PRPF4: variants seen among roughly 807,000 people sequenced by gnomAD.
PRPF4 encodes U4/U6 small nuclear ribonucleoprotein Prp4.
PRPF4 carries 14 observed loss-of-function variants against 72.2 expected under a neutral mutation model. The ratio of observed to expected loss-of-function variants is 0.19; its 90% confidence interval spans 0.13 to 0.30. The LOEUF (loss-of-function observed/expected upper bound fraction) is 0.30, where lower values mean the gene tolerates loss of function less well. Among genes scored for constraint, PRPF4 ranks in the 10% least tolerant of loss-of-function variants. The pLI is 1.00. For missense variants in PRPF4, 478 were observed against 653.9 expected (o/e 0.73, Z 2.93); for synonymous variants, 225 against 232.2 (o/e 0.97, Z 0.28).
rs1832336564 is a variant in PRPF4 at position 113,283,315 on chromosome 9, G to A, written c.561-74G>A. 18 of 1,611,816 alleles carry A rather than the reference G, an allele frequency of 1.1e-5. No homozygotes were observed. In the South Asian group the frequency reaches 2.0e-4, roughly 18 times the overall value. On this transcript the variant is annotated intron_variant, in intron 5 of 13. Transcript: ENST00000374198. ...ACTATGGTTGTTAAATGAAATTGAG[G>A]GGTAGAGTAGGGATACATGTGGGTC...
At chr9:113,276,834 T>C in intron 2 of PRPF4, 109 bp downstream of exon 2, 2 of 1,237,504 alleles carry the variant, frequency 1.6e-6, no homozygotes, top group Non-Finnish European at 2.2e-6. Flanking sequence ...TTTTTTTTTT[T>C]AAACAGAGTC....
chr9:113,285,726 G>C (rs1832429468), intron 7 of PRPF4, among the ~76,000 whole-genome samples: 1 of 151,900 alleles, frequency 6.6e-6, no homozygotes, highest in African/African-American at 2.4e-5. Context: ...TTAGCCAGGT[G>C]TGGTGGCATG....
chr9:113,288,409 G>A, intron 10 of PRPF4, 145 bp downstream of exon 10: 1 of 672,158 alleles, frequency 1.5e-6, no homozygotes, highest in Non-Finnish European at 2.5e-6. Flanking sequence ...AGAGGAGAAT[G>A]TTTAATATAG....
In PRPF4 at chr9:113,275,680, G is replaced by C; in HGVS notation, c.-64G>C. 1.9e-6 allele frequency: 3 copies of C among 1,567,800 alleles called. No homozygotes were observed. The South Asian group carries it at 3.5e-5, about 18-fold the overall frequency. On this transcript the variant is annotated 5_prime_UTR_variant, in exon 1 of 14. Transcript: ENST00000374198. Reference sequence around the variant, plus strand: ...GACGCACTTCCCCTCTGCTGGGCGCGCGGTGGACGGTCTGAAAGGGAGTGT... The same window carrying C: ...GACGCACTTCCCCTCTGCTGGGCGCCCGGTGGACGGTCTGAAAGGGAGTGT...
rs1832098203 is a variant in PRPF4 at position 113,276,434 on chromosome 9, T to G, written c.28-114T>G. On this transcript the variant is annotated intron_variant, in intron 1 of 13. Transcript: ENST00000374198. ...TCTTAAGTAGTGTCCAATTTGTCCT[T>G]TCAATTACAGAGGAAACAGGACTGT... is the stretch of plus-strand genomic sequence containing the variant. The G allele has an allele frequency of 2.5e-6, 3 of 1,205,100 alleles. No homozygotes were observed. In the South Asian group the frequency reaches 3.8e-5, roughly 15 times the overall value. The allele number at this position is 1,205,100 out of a possible 1,614,324, so 74.7% of individuals were successfully genotyped here. A position where few individuals can be genotyped will look rare whatever the true frequency, so the allele number is the denominator to read the frequency against.
At chr9:113,278,049 T>A (rs1832165830) in intron 2 of PRPF4, among the ~76,000 whole-genome samples, 2 of 152,388 alleles carry the variant, frequency 1.3e-5, no homozygotes, top group South Asian at 4.1e-4. Flanking sequence ...CCTGTATTTT[T>A]AAAATTAATT....
rs1564259972 is a variant in PRPF4 at position 113,290,900 on chromosome 9, A to G, written c.1256A>G (p.Tyr419Cys). The change falls in exon 13 of 14, where the codon TAT becomes TGT. Residue 419 changes from tyrosine to cysteine, a missense_variant and splice_region_variant. Transcript: ENST00000374198. ...TCAATACTGCATCCAATCCACAGCT[A>G]TCACATTGCAACCGGCAGTGGTGAC... ...IYGINFSPNG[Y>C]HIATGSGDNT... 1 of 1,614,136 alleles carries G rather than the reference A, an allele frequency of 6.2e-7. No homozygotes were observed.
chr9:113,289,551 A>G (rs999276789), intron 10 of PRPF4, among the ~76,000 whole-genome samples: 1 of 151,896 alleles, frequency 6.6e-6, no homozygotes, highest in Non-Finnish European at 1.5e-5. Context: ...CATTCTTATT[A>G]CCCTGATCAT....
chr9:113,280,970 A>G (rs1367441068), intron 3 of PRPF4, among the ~76,000 whole-genome samples: 1 of 151,976 alleles, frequency 6.6e-6, no homozygotes, highest in Non-Finnish European at 1.5e-5. Context: ...CCTCCCAAGT[A>G]GCTGGGACTA....
intron 1 of PRPF4, 132 bp downstream of exon 1, chr9:113,275,902 G>A: frequency 3.2e-6 from 4 of 1,233,970 alleles, no homozygotes; most frequent in Non-Finnish European, 4.4e-6. Context: ...GGACTCAGCG[G>A]TGTCCTACAC....
chr9:113,282,072 G>T (rs1832296849), intron 3 of PRPF4, among the ~76,000 whole-genome samples: 1 of 152,136 alleles, frequency 6.6e-6, no homozygotes. Context: ...ACTCTAAACT[G>T]TATAGAGTAA....
At chr9:113,278,645 C>T (rs1588009052) in intron 2 of PRPF4, among the ~76,000 whole-genome samples, 1 of 152,200 alleles carries the variant, frequency 6.6e-6, no homozygotes, top group East Asian at 1.9e-4. Flanking sequence ...GCCTAGTTAA[C>T]TCATTTGCAA....
Position 113,286,761 on chromosome 9 carries a change from G to A in PRPF4, c.865G>A (p.Asp289Asn). The change falls in exon 9 of 14, where the codon GAC (aspartate) becomes AAC (asparagine). Residue 289 changes from aspartate to asparagine, a missense_variant. By Grantham distance (23) the Asp-to-Asn change is conservative. Transcript: ENST00000374198. The stretch of plus-strand genomic sequence containing the variant: ...CCATCCCAAATCCACTGTCTCCTTG[G>A]ACCCAAAAGATGTCAACCTGGCCTC... ...VFHPKSTVSL[D>N]PKDVNLASCA... 6.2e-7 allele frequency: 1 copy of A among 1,614,114 alleles called. No homozygotes were observed. Among genetic ancestry groups the A allele is most frequent in the African/African-American group, 1.3e-5 (1 of 75,034 alleles).
rs774530681 is a variant in PRPF4 at position 113,286,303 on chromosome 9, C to G, written c.808+13C>G. 2.5e-6 allele frequency: 4 copies of G among 1,600,702 alleles called. No homozygotes were observed. Among genetic ancestry groups the G allele is most frequent in the Admixed American group, 1.7e-5 (1 of 59,978 alleles). On this transcript the variant is annotated intron_variant, in intron 8 of 13. Coordinates refer to ENST00000374198, the MANE Select transcript of PRPF4 (RefSeq NM_001244926.2). ...CACACTCTTCGAGGTAAGTTAGAGT[C>G]TTATCCAAATCTCGGTCTTTTTCCC...
chr9:113,287,391 C>T (rs1293886773), intron 9 of PRPF4, among the ~76,000 whole-genome samples: 1 of 152,040 alleles, frequency 6.6e-6, no homozygotes, highest in Non-Finnish European at 1.5e-5. Flanking sequence ...AGTATTACCA[C>T]GGAGATGTCT....
At position 113,281,602 on chromosome 9, in the gene PRPF4, A is replaced by G. The variant is rs975369899; in HGVS notation, c.393-1044A>G. Among the ~76,000 whole-genome samples the G allele has an allele frequency of 3.9e-5, 6 of 152,178 alleles. No homozygotes were observed. The East Asian group carries it at 5.8e-4, about 15-fold the overall frequency. Reference sequence around the variant, plus strand: ...GGCTCCTCCTTGCATTTGCAGCCCTATTCTTCACCAGTCCTCTTCTATGTT... The same window carrying G: ...GGCTCCTCCTTGCATTTGCAGCCCTGTTCTTCACCAGTCCTCTTCTATGTT... On this transcript the variant is annotated intron_variant, in intron 3 of 13. Transcript: ENST00000374198.
rs1832619162 is a variant in PRPF4, at chr9:113,291,922, CT to C, written c.*266del. ...CTGTGTAGACATTGTTTTTATTAAT[CT>C]TTTGTTTGGCCGGGCGTGGTGGCTC... On this transcript the variant is annotated 3_prime_UTR_variant, in exon 14 of 14. Transcript: ENST00000374198. 1 of 291,118 alleles carries C rather than the reference CT, an allele frequency of 3.4e-6. No homozygotes were observed. The highest frequency in any genetic ancestry group is 4.7e-5 in the Admixed American group (1 of 21,324). The allele number at this position is 291,118 out of a possible 1,614,324, so 18.0% of individuals were successfully genotyped here.
intron 13 of PRPF4, 140 bp from the exon 14 acceptor site, chr9:113,291,327 G>T: frequency 3.6e-6 from 3 of 831,652 alleles, no homozygotes; most frequent in Non-Finnish European, 5.6e-6. Flanking sequence ...TGAGCCAAAA[G>T]ACCTTACTGT....
chr9:113,284,067 C>CA (rs538497931), intron 6 of PRPF4, among the ~76,000 whole-genome samples: 1,828 of 79,832 alleles, frequency 0.023, 34 homozygotes, highest in African/African-American at 0.066. Flanking sequence ...GACTCTGTCT[C>CA]AAAAAAAAAA....
Sources: allele counts gnomAD v4.1 joint callset (sites outside exome capture counted in the v4.1 genomes callset), GRCh38; gene constraint gnomAD v4.1.1; transcripts MANE v1.5; gene names NCBI Gene and HGNC (gene_info 2026-07-23, HGNC 2026-07-21).